Variants in HMGCLL1 observed in about 807,000 individuals in gnomAD.
The protein encoded by HMGCLL1 is 3-hydroxy-3-methylglutaryl-CoA lyase like 1.
Under a neutral mutation model 39.1 loss-of-function variants are expected in HMGCLL1, and 36 were observed. That is an observed-to-expected ratio of 0.92 (90% CI 0.71 to 1.22). The LOEUF (loss-of-function observed/expected upper bound fraction) is 1.22. HMGCLL1 is among the 50% of genes most tolerant of loss of function. The pLI, the probability that HMGCLL1 is intolerant of heterozygous loss-of-function variation, is 0.00. For synonymous variants in HMGCLL1, 149 were observed against 144.0 expected (o/e 1.03, Z -0.25); for missense variants, 451 against 416.5 (o/e 1.08, Z -0.72).
chr6:55,493,996 C>T (rs752948583), intron 7 of HMGCLL1, among the ~76,000 whole-genome samples: 3 of 152,134 alleles, frequency 2.0e-5, no homozygotes, highest in Non-Finnish European at 4.4e-5. Context: ...CCTCAGCCTC[C>T]CAAAGTGCTG....
the HMGCLL1 span, among the ~76,000 whole-genome samples, chr6:55,643,044 A>T: frequency 2.0e-5 from 3 of 152,054 alleles, no homozygotes; most frequent in Non-Finnish European, 4.4e-5. Flanking sequence ...CCTATCATTG[A>T]TGGGCAGTTA....
chr6:55,436,996 A>T (rs911160106), intron 8 of HMGCLL1, among the ~76,000 whole-genome samples: 2 of 151,988 alleles, frequency 1.3e-5, no homozygotes, highest in Admixed American at 6.6e-5. Context: ...AATTAACTTC[A>T]GGTGCCTTTC....
At chr6:55,642,868 A>G in the HMGCLL1 span, among the ~76,000 whole-genome samples, 2 of 152,054 alleles carry the variant, frequency 1.3e-5, no homozygotes, top group Non-Finnish European at 2.9e-5. Context: ...TTTAGCACCC[A>G]CTTATAAGTG....
the HMGCLL1 span, among the ~76,000 whole-genome samples, chr6:55,632,844 G>A: frequency 6.6e-6 from 1 of 152,074 alleles, no homozygotes; most frequent in African/African-American, 2.4e-5. Context: ...AGATTTGGAT[G>A]ATAGAAAATT....
chr6:55,516,203 A>G (rs12215544), intron 4 of HMGCLL1, among the ~76,000 whole-genome samples: 35,362 of 152,040 alleles, frequency 0.23, 4,272 homozygotes, highest in Admixed American at 0.3. Flanking sequence ...AAATGCTTAA[A>G]TAGTATTCTA....
chr6:55,517,260 A>G (rs1767789702), intron 3 of HMGCLL1, among the ~76,000 whole-genome samples: 2 of 152,090 alleles, frequency 1.3e-5, no homozygotes, highest in African/African-American at 4.8e-5. Flanking sequence ...AAAAAACTCA[A>G]CTTTGAATTA....
chr6:55,602,127 T>G, the HMGCLL1 span, among the ~76,000 whole-genome samples: 2 of 152,104 alleles, frequency 1.3e-5, no homozygotes, highest in African/African-American at 4.8e-5. Context: ...AAGATTATGA[T>G]AAATAAAAAT....
the HMGCLL1 span, among the ~76,000 whole-genome samples, chr6:55,586,736 T>C: frequency 6.6e-6 from 1 of 152,126 alleles, no homozygotes; most frequent in Admixed American, 6.6e-5. Context: ...CATCATTTTT[T>C]ATGGCTGCAT....
At chr6:55,596,319 C>T in the HMGCLL1 span, among the ~76,000 whole-genome samples, 2 of 152,082 alleles carry the variant, frequency 1.3e-5, no homozygotes, top group African/African-American at 4.8e-5. Flanking sequence ...AGCAGTGAAA[C>T]CCTGTCTCAA....
chr6:55,514,155 T>C lies in HMGCLL1; in HGVS notation c.435A>G (p.Ala145=). ...TATTCTTCTTGCTAAAGGATTCAGATGCAGCTCCAAAAACTGATATCTCAG... is the reference window on the plus strand; with the variant it reads ...TATTCTTCTTGCTAAAGGATTCAGACGCAGCTCCAAAAACTGATATCTCAG... ...GATEISVFGA[A]SESFSKKNIN... Residue 145 remains alanine (A), a synonymous_variant, in exon 5 of 9, where the codon GCA becomes GCG. Coordinates refer to ENST00000274901, the MANE Select transcript of HMGCLL1 (RefSeq NM_001042406.2). The C allele has an allele frequency of 6.2e-7, 1 of 1,611,990 alleles. No individual in the cohort carries two copies. The highest frequency in any genetic ancestry group is 8.5e-7 in the Non-Finnish European group (1 of 1,179,220).
At chr6:55,458,537 T>C (rs534109688) in intron 7 of HMGCLL1, among the ~76,000 whole-genome samples, 5 of 152,244 alleles carry the variant, frequency 3.3e-5, no homozygotes, top group Non-Finnish European at 5.9e-5. Flanking sequence ...TAGGCAAAAA[T>C]GAAGACGGTC....
At chr6:55,538,966 C>T (rs1283582839) in intron 3 of HMGCLL1, among the ~76,000 whole-genome samples, 2 of 152,130 alleles carry the variant, frequency 1.3e-5, no homozygotes, top group East Asian at 1.9e-4. Context: ...CCTATTTTGG[C>T]TTCTGTTACT....
chr6:55,607,508 GC>G, the HMGCLL1 span, among the ~76,000 whole-genome samples: 15 of 152,220 alleles, frequency 9.9e-5, no homozygotes, highest in Admixed American at 7.9e-4. Context: ...TTCAGGGATT[GC>G]CTGAGCTGCA....
the HMGCLL1 span, among the ~76,000 whole-genome samples, chr6:55,636,212 A>G: frequency 6.6e-6 from 1 of 152,196 alleles, no homozygotes. Context: ...GAATGATTAA[A>G]AACATTTTAA....
chr6:55,595,792 A>G, the HMGCLL1 span, among the ~76,000 whole-genome samples: 2 of 152,192 alleles, frequency 1.3e-5, no homozygotes, highest in South Asian at 2.1e-4. Flanking sequence ...GAAGATAAAG[A>G]TGTAAAATTT....
intron 3 of HMGCLL1, among the ~76,000 whole-genome samples, chr6:55,537,359 T>C (rs1769093799): frequency 6.6e-6 from 1 of 152,230 alleles, no homozygotes; most frequent in Non-Finnish European, 1.5e-5. Flanking sequence ...TTGGAATGTA[T>C]ATAACTAGAT....
chr6:55,583,933 C>T (rs1772027452), upstream of HMGCLL1, among the ~76,000 whole-genome samples: 1 of 152,102 alleles, frequency 6.6e-6, no homozygotes, highest in African/African-American at 2.4e-5. Flanking sequence ...CTTTCTCAAC[C>T]ACAGAACCAG....
intron 7 of HMGCLL1, among the ~76,000 whole-genome samples, chr6:55,442,020 A>C (rs1763620163): frequency 1.3e-5 from 2 of 152,038 alleles, no homozygotes. Flanking sequence ...TCCTGTTAAG[A>C]CTGGAGTTAT....
chr6:55,627,629 C>T, the HMGCLL1 span, among the ~76,000 whole-genome samples: 1 of 150,926 alleles, frequency 6.6e-6, no homozygotes, highest in Non-Finnish European at 1.5e-5. Context: ...AAGGCAGATC[C>T]ACCCTTAATC....
Sources: allele counts gnomAD v4.1 joint callset (sites outside exome capture counted in the v4.1 genomes callset), GRCh38; gene constraint gnomAD v4.1.1; transcripts MANE v1.5; gene names NCBI Gene and HGNC (gene_info 2026-07-23, HGNC 2026-07-21).